The following MUC22 variants were observed in gnomAD, a reference collection of about 807,000 sequenced individuals.
MUC22 encodes the protein mucin-22.
In MUC22, 24 loss-of-function variants were observed where a neutral mutation model predicts 40.3. The ratio of observed to expected loss-of-function variants is 0.60; its 90% CI spans 0.43 to 0.84. The LOEUF is 0.84. Ranked by LOEUF, MUC22 falls within the 40% of genes least tolerant of loss-of-function variation. The pLI is 0.00. For synonymous variants in MUC22, 765 were observed against 844.5 expected (o/e 0.91, Z 1.63); for missense variants, 1,926 against 2,130.7 (o/e 0.90, Z 1.89).
upstream of MUC22, among the ~76,000 whole-genome samples, chr6:31,007,161 A>G (rs551518132): frequency 1.1e-4 from 16 of 152,366 alleles, no homozygotes; most frequent in South Asian, 3.3e-3. This position sits in a 1 kb window ranked among gnomAD's most constrained non-coding sequence, Gnocchi z 4.0. Flanking sequence ...ATGATAAAAA[A>G]TTTAGATTAA....
intron 1 of MUC22, 113 bp downstream of exon 1, chr6:31,010,889 T>C (rs1763817617): frequency 3.6e-6 from 2 of 560,756 alleles, no homozygotes; most frequent in Non-Finnish European, 6.1e-6. Context: ...CAATGATGAT[T>C]CATTTTTTTT....
rs910023094 is a variant in MUC22 at position 31,032,477 on chromosome 6, G to A, written c.4951G>A (p.Val1651Met). Reference sequence around the variant, plus strand: ...TAGCATGAGCCACACACCCACAAACGTGATCAAACCAAGTGGATATTTACA... The same window carrying A: ...TAGCATGAGCCACACACCCACAAACATGATCAAACCAAGTGGATATTTACA... Residue 1651 changes from valine to methionine, a missense_variant, in exon 3 of 4, where the codon GTG becomes ATG. Around this residue, in one of 3 missense-constraint regions of MUC22, gnomAD observed 610 missense variants for 714.6 expected, o/e 0.85. Coordinates refer to ENST00000561890, the Ensembl canonical transcript of MUC22. This position sits in a 1 kb window ranked among gnomAD's most constrained non-coding sequence, Gnocchi z 4.1. 9 of 1,535,566 alleles carry A rather than the reference G, an allele frequency of 5.9e-6. No individual in the cohort carries two copies. The highest frequency in any genetic ancestry group is 1.2e-5 in the South Asian group (1 of 84,072).
At chr6:31,029,828 A>G (rs76291283) in exon 2 of MUC22, 1 of 1,389,632 alleles carries the variant, frequency 7.2e-7, no homozygotes, top group Non-Finnish European at 9.4e-7. Flanking sequence ...TCTGAGACCA[A>G]CACAGCCTGT....
exon 2 of MUC22, chr6:31,029,829 C>T: frequency 6.8e-7 from 1 of 1,470,400 alleles, no homozygotes; most frequent in Non-Finnish European, 9.0e-7. Flanking sequence ...CTGAGACCAA[C>T]ACAGCCTGTA....
intron 1 of MUC22, among the ~76,000 whole-genome samples, chr6:31,019,519 G>A (rs948893009): frequency 1.3e-5 from 2 of 152,214 alleles, no homozygotes; most frequent in African/African-American, 4.8e-5. Context: ...TATCAGGGTT[G>A]GACAGGAGGG....
Position 31,032,317 on chromosome 6 carries a change from C to T in MUC22, c.4791C>T (p.Gly1597=), listed in dbSNP as rs1369006831. Residue 1597 remains glycine, a synonymous_variant, in exon 3 of 4, where the codon GGC becomes GGT. Coordinates refer to ENST00000561890, the Ensembl canonical transcript of MUC22. This position sits in a 1 kb window ranked among gnomAD's most constrained non-coding sequence, Gnocchi z 4.1. ...CAGGAATAGTCTTAAACACCTCTGG[C>T]CTGGGTACATCCACTATGGGAGCAT... 4.6e-6 allele frequency: 7 copies of T among 1,535,642 alleles called. No homozygotes were observed. In the Admixed American group the frequency reaches 9.8e-5, roughly 22 times the overall value.
At chr6:31,014,108 T>C (rs1202780067) in intron 1 of MUC22, among the ~76,000 whole-genome samples, 1 of 152,164 alleles carries the variant, frequency 6.6e-6, no homozygotes, top group Non-Finnish European at 1.5e-5. Context: ...TGCATTGTGA[T>C]GACATTATAA....
At position 31,028,577 on chromosome 6, in the gene MUC22, C is replaced by T. The variant is rs72502538; in HGVS notation, c.3146C>T (p.Thr1049Ile). Residue 1049 changes from threonine (T) to isoleucine (I), a missense_variant, in exon 2 of 4, where the codon ACT (threonine) becomes ATT (isoleucine). By Grantham distance (89) the Thr-to-Ile change is moderately conservative. Coordinates refer to ENST00000561890, the Ensembl canonical transcript of MUC22. ...GGCTCTGAGACCACCAAGGTCTCCACTGCAAGCTCTAAAATGACCACAGTC... is the reference window on the plus strand; with the variant it reads ...GGCTCTGAGACCACCAAGGTCTCCATTGCAAGCTCTAAAATGACCACAGTC... 9,853 of 1,534,676 alleles carry T rather than the reference C, an allele frequency of 6.4e-3. 363 individuals are homozygous for T. Among genetic ancestry groups the T allele is most frequent in the South Asian group, 0.044 (3,682 of 84,030 alleles).
At chr6:31,021,198 G>A (rs1047940855) in intron 1 of MUC22, among the ~76,000 whole-genome samples, 7 of 152,280 alleles carry the variant, frequency 4.6e-5, no homozygotes, top group African/African-American at 1.7e-4. Context: ...GTCTGGTGAG[G>A]ACGTGGAGAG....
At chr6:31,022,782 C>T (rs1217439489) in intron 1 of MUC22, among the ~76,000 whole-genome samples, 1 of 147,392 alleles carries the variant, frequency 6.8e-6, no homozygotes, top group African/African-American at 2.6e-5. Flanking sequence ...AGAGCAAAGG[C>T]ACACAAATAA....
At chr6:31,020,731 C>G (rs142803174) in intron 1 of MUC22, among the ~76,000 whole-genome samples, 3,566 of 152,236 alleles carry the variant, frequency 0.023, 70 homozygotes, top group Non-Finnish European at 0.027. Context: ...GGGAGAGGTG[C>G]GAGCGGGAAC....
In MUC22 at chr6:31,031,295, G is replaced by A. The variant is rs529309721; in HGVS notation, c.4670-901G>A. Among the ~76,000 whole-genome samples, 8 of 152,120 alleles carry A rather than the reference G, an allele frequency of 5.3e-5. No homozygotes were observed. The East Asian group carries it at 1.5e-3, about 29-fold the overall frequency. ...ACTTGGGTCAGGTCCTCCTACATCT[G>A]CCCAAGCACACTCACCTCACCTTTG... On this transcript the variant is annotated intron_variant, in intron 2 of 3. Transcript: ENST00000561890.
At chr6:31,010,489 TAAG>T (rs1265847602) in exon 1 of MUC22, 19 of 548,312 alleles carry the variant, frequency 3.5e-5, no homozygotes, top group Non-Finnish European at 5.2e-5. Flanking sequence ...AGAAGAAAAA[TAAG>T]AAGCCAAACT....
intron 1 of MUC22, among the ~76,000 whole-genome samples, chr6:31,023,631 T>C (rs1346761900): frequency 2.0e-5 from 3 of 152,176 alleles, no homozygotes; most frequent in Non-Finnish European, 4.4e-5. Context: ...GATTGACACA[T>C]TGGTTAAAAA....
exon 4 of MUC22, chr6:31,035,177 T>G (rs1324733567): frequency 5.7e-6 from 3 of 524,538 alleles, no homozygotes; most frequent in African/African-American, 1.9e-5. Flanking sequence ...TCAGAGACTT[T>G]GACTGGCTTG....
chr6:31,028,869 C>A (rs1474995527), exon 2 of MUC22: 51 of 1,531,362 alleles, frequency 3.3e-5, no homozygotes, highest in Non-Finnish European at 4.5e-5. Flanking sequence ...CTGAGACTAC[C>A]ACCACCTCTA....
At chr6:31,030,965 T>A (rs6457300) in intron 2 of MUC22, among the ~76,000 whole-genome samples, 1 of 152,048 alleles carries the variant, frequency 6.6e-6, no homozygotes, top group Non-Finnish European at 1.5e-5. Context: ...AAAGCCTAAA[T>A]TATTTGCTGT....
upstream of MUC22, among the ~76,000 whole-genome samples, chr6:31,008,534 ATTGTTTTCTTTTTCTTTCTTTTT>A (rs901181727): frequency 3.3e-5 from 5 of 149,822 alleles, no homozygotes; most frequent in Non-Finnish European, 7.4e-5. Flanking sequence ...GACCTGAAAC[ATTGTTTTCTTTTTCTTTCTTTTT>A]TTTTTTTTTG....
upstream of MUC22, among the ~76,000 whole-genome samples, chr6:31,009,932 T>A (rs779479870): frequency 2.0e-5 from 3 of 152,142 alleles, no homozygotes; most frequent in Non-Finnish European, 4.4e-5. Context: ...ACTCACTCAG[T>A]GTCCACTTTC....
Sources: gnomAD v4.1 joint callset for allele counts (sites outside exome capture counted in the v4.1 genomes callset) on GRCh38, gnomAD v4.1.1 for gene constraint, gnomAD v4.1.1 regional missense constraint, Gnocchi (gnomAD v3.1) non-coding constraint, MANE v1.5 for transcripts, NCBI Gene and HGNC (gene_info 2026-07-23, HGNC 2026-07-21) for gene names.